PRKD3: variants seen among roughly 807,000 people sequenced by gnomAD.
PRKD3 encodes the protein serine/threonine-protein kinase D3.
In PRKD3, 47 loss-of-function variants were observed where a neutral mutation model predicts 99.2. The ratio of observed to expected loss-of-function variants is 0.47; its 90% confidence interval spans 0.38 to 0.60. The LOEUF is 0.60. Among genes scored for constraint, PRKD3 ranks in the 20% least tolerant of loss-of-function variants. The pLI is 0.00. For missense variants in PRKD3, 1,019 were observed against 1,088.4 expected, an observed-to-expected ratio of 0.94 and a Z score of 0.90; for synonymous variants, 392 against 355.4, an observed-to-expected ratio of 1.10 and a Z score of -1.16.
In PRKD3 at chr2:37,280,646, A is replaced by G. The variant is rs560336037; in HGVS notation, c.989-717T>C. Among the ~76,000 whole-genome samples the G allele has an allele frequency of 1.5e-3, 229 of 152,332 alleles. 1 individual carries two copies. Among genetic ancestry groups the G allele is most frequent in the South Asian group, 2.3e-3 (11 of 4,834 alleles). ...TGGATCACATAAAAATCTAAGAGCT[A>G]AAACTATAAAACTCATAGGAGAAAG... On this transcript the variant is annotated intron_variant, in intron 7 of 18. Coordinates refer to ENST00000234179, the MANE Select transcript of PRKD3 (RefSeq NM_005813.6).
At chr2:37,317,760 C>T (rs559379555) in intron 1 of PRKD3, 1 of 152,218 alleles carries the variant, frequency 6.6e-6, no homozygotes, top group South Asian at 2.1e-4. Context: ...ATACTTATCA[C>T]AGGAACATAA....
rs1671680115 is a variant in PRKD3, at chr2:37,316,708, A to G, written c.-184T>C. On this transcript the variant is annotated 5_prime_UTR_variant, in exon 2 of 19. Transcript: ENST00000234179. ...GTTTTATCAAGGAGTTGAATGCCCC[A>G]AAGGTCCTATTTCTCTTAATATCAG... The G allele has an allele frequency of 7.0e-7, 1 of 1,424,574 alleles. No homozygotes were observed. 88.2% of individuals were successfully genotyped at this position (1,424,574 alleles called of 1,614,324 possible).
intron 1 of PRKD3, among the ~76,000 whole-genome samples, chr2:37,320,826 C>T (rs1671856903): frequency 6.6e-6 from 1 of 152,154 alleles, no homozygotes; most frequent in African/African-American, 2.4e-5. Context: ...TTTAATACAA[C>T]TAATTTATCA....
Position 37,254,231 on chromosome 2 carries a change from G to C in PRKD3, c.2472C>G (p.Asp824Glu), listed in dbSNP as rs773920283. Residue 824 changes from aspartate to glutamate, a missense_variant, in exon 18 of 19, where the codon GAC becomes GAG. By Grantham distance (45) the Asp-to-Glu change is conservative (BLOSUM62 2). Coordinates refer to ENST00000234179, the MANE Select transcript of PRKD3 (RefSeq NM_005813.6). ...GTAGCCAGGGATGACTAAGAGATTTGTCAACACTGTAACGTTTTCTCATCT... is the reference window on the plus strand; with the variant it reads ...GTAGCCAGGGATGACTAAGAGATTTCTCAACACTGTAACGTTTTCTCATCT... Reference protein sequence around the residue: ...QVKMRKRYSVDKSLSHPWLQD... With the variant: ...QVKMRKRYSVEKSLSHPWLQD... 1.9e-6 allele frequency: 3 copies of C among 1,612,726 alleles called. No homozygotes were observed. The highest frequency in any genetic ancestry group is 1.7e-6 in the Non-Finnish European group (2 of 1,178,786).
In PRKD3 at chr2:37,312,251, T is replaced by C. The variant is rs143986605; in HGVS notation, c.288+3986A>G. 1.6e-3 allele frequency among the ~76,000 whole-genome samples: 242 copies of C among 152,306 alleles called. 2 individuals carry two copies. The highest frequency in any genetic ancestry group is 5.6e-3 in the African/African-American group (233 of 41,584). On this transcript the variant is annotated intron_variant, in intron 2 of 18. Transcript: ENST00000234179. Reference sequence around the variant, plus strand: ...GCAATAAAGCCTGCATTTGTCAAAATATATGTTATGAGTTTATTCATTTGA... The same window carrying C: ...GCAATAAAGCCTGCATTTGTCAAAACATATGTTATGAGTTTATTCATTTGA...
chr2:37,259,664 C>G lies in PRKD3; in HGVS notation c.2064G>C (p.Arg688Ser), dbSNP rs1668256939. Residue 688 changes from arginine (R) to serine (S), a missense_variant, in exon 16 of 19, where the codon AGG becomes AGC. Physicochemically the swap from Arg to Ser is moderately radical, Grantham distance 110. Coordinates refer to ENST00000234179, the MANE Select transcript of PRKD3 (RefSeq NM_005813.6). ...FMVTQILVAL[R>S]NLHFKNIVHC... is the part of the protein sequence containing the mutation. ...GCACAATATTCTTAAAATGCAGATT[C>G]CTCAAAGCAACAAGTATCTGTTATG... is the stretch of plus-strand genomic sequence containing the variant. 3 of 1,611,330 alleles carry G rather than the reference C, an allele frequency of 1.9e-6. No individual in the cohort carries two copies. The highest frequency in any genetic ancestry group is 2.7e-5 in the African/African-American group (2 of 74,982).
chr2:37,289,195 T>TACCG (rs1363741954), intron 5 of PRKD3, among the ~76,000 whole-genome samples, 161 bp downstream of exon 5: 1 of 152,184 alleles, frequency 6.6e-6, no homozygotes, highest in African/African-American at 2.4e-5. Context: ...AATTCATTAC[T>TACCG]ACCGGTAAGT....
chr2:37,260,253 T>C lies in PRKD3; in HGVS notation c.2016A>G (p.Pro672=), dbSNP rs745765595. Residue 672 remains proline, a synonymous_variant, in exon 15 of 19, where the codon CCA becomes CCG. Coordinates refer to ENST00000234179, the MANE Select transcript of PRKD3 (RefSeq NM_005813.6). ...MILSSEKSRL[P]ERITKFMVTQ... is the part of the protein sequence containing the mutation. ...TGACCATGAATTTAGTAATTCGTTCTGGAAGCCGACTTTTCTCACTGGATA... is the reference window on the plus strand; with the variant it reads ...TGACCATGAATTTAGTAATTCGTTCCGGAAGCCGACTTTTCTCACTGGATA... The C allele has an allele frequency of 6.2e-7, 1 of 1,612,410 alleles. No homozygotes were observed. Among genetic ancestry groups the C allele is most frequent in the Non-Finnish European group, 8.5e-7 (1 of 1,178,556 alleles).
intron 11 of PRKD3, among the ~76,000 whole-genome samples, chr2:37,273,370 G>A (rs1669404782): frequency 6.6e-6 from 1 of 151,958 alleles, no homozygotes; most frequent in African/African-American, 2.4e-5. Context: ...CACCAAACAT[G>A]TACACAGTTG....
In PRKD3 at chr2:37,257,589, C is replaced by T. The variant is rs141057601; in HGVS notation, c.2146-660G>A. On this transcript the variant is annotated intron_variant, in intron 16 of 18. Coordinates refer to ENST00000234179, the MANE Select transcript of PRKD3 (RefSeq NM_005813.6). ...GCTGAAGCAGGAGAATGGCGTGAAC[C>T]CAGGAGGCAGAGCTTGCAGTGAGTC... Among the ~76,000 whole-genome samples the T allele has an allele frequency of 2.0e-3, 297 of 145,328 alleles. 3 individuals are homozygous for T. Among genetic ancestry groups the T allele is most frequent in the African/African-American group, 7.3e-3 (291 of 39,622 alleles).
chr2:37,309,059 G>A (rs1671299491), intron 2 of PRKD3, among the ~76,000 whole-genome samples: 1 of 151,908 alleles, frequency 6.6e-6, no homozygotes, highest in African/African-American at 2.4e-5. Context: ...AATCTTTAAT[G>A]GAAAGAAATT....
chr2:37,257,231 G>C (rs1177619709), intron 16 of PRKD3, among the ~76,000 whole-genome samples: 2 of 152,152 alleles, frequency 1.3e-5, no homozygotes, highest in Non-Finnish European at 2.9e-5. Flanking sequence ...TTATGAAATA[G>C]AGTATGCTGC....
At chr2:37,303,171 G>A (rs1000247481) in intron 2 of PRKD3, among the ~76,000 whole-genome samples, 2 of 151,960 alleles carry the variant, frequency 1.3e-5, no homozygotes, top group Non-Finnish European at 2.9e-5. Context: ...AAGAGCCGCT[G>A]GACCTCAGGA....
intron 14 of PRKD3, among the ~76,000 whole-genome samples, chr2:37,264,306 T>C (rs1253811337): frequency 1.3e-5 from 2 of 152,212 alleles, no homozygotes; most frequent in African/African-American, 4.8e-5. Context: ...ATACATTTAT[T>C]CATTAAATAT....
intron 2 of PRKD3, among the ~76,000 whole-genome samples, chr2:37,309,340 G>C (rs1358242471): frequency 6.6e-6 from 1 of 152,028 alleles, no homozygotes; most frequent in Non-Finnish European, 1.5e-5. Flanking sequence ...TATCCCTTTA[G>C]AGTTGATTCT....
chr2:37,280,131 A>C (rs960344312), intron 7 of PRKD3, among the ~76,000 whole-genome samples: 1 of 141,904 alleles, frequency 7.0e-6, no homozygotes, highest in East Asian at 2.1e-4. Context: ...TGCAACCTCT[A>C]CCTCCTGGGT....
chr2:37,261,661 T>C (rs903014138), intron 14 of PRKD3, among the ~76,000 whole-genome samples: 1 of 141,198 alleles, frequency 7.1e-6, no homozygotes. Flanking sequence ...AAGCCTGTAA[T>C]CCCAGCTACT....
At position 37,316,726 on chromosome 2, in the gene PRKD3, A is replaced by G. The variant is rs971669028; in HGVS notation, c.-202T>C. 3.0e-5 allele frequency: 42 copies of G among 1,407,610 alleles called. No homozygotes were observed. Among genetic ancestry groups the G allele is most frequent in the Non-Finnish European group, 3.9e-5 (42 of 1,087,132 alleles). The allele number at this position is 1,407,610 out of a possible 1,614,324, so 87.2% of individuals were successfully genotyped here. A position where few individuals can be genotyped will look rare whatever the true frequency, so the allele number is the denominator to read the frequency against. The stretch of plus-strand genomic sequence containing the variant: ...ATGCCCCAAAGGTCCTATTTCTCTT[A>G]ATATCAGTCCCATCAAAAAGCAGTC... On this transcript the variant is annotated 5_prime_UTR_variant, in exon 2 of 19. Transcript: ENST00000234179.
In PRKD3 at chr2:37,259,643, A is replaced by G. The variant is rs1001163243; in HGVS notation, c.2085T>C (p.Ile695=). Residue 695 remains isoleucine (I), a synonymous_variant, in exon 16 of 19, where the codon ATT becomes ATC. Transcript: ENST00000234179. ...TTTCTGGCTTTAAATCACAGTGCACAATATTCTTAAAATGCAGATTCCTCA... is the reference window on the plus strand; with the variant it reads ...TTTCTGGCTTTAAATCACAGTGCACGATATTCTTAAAATGCAGATTCCTCA... ...VALRNLHFKN[I]VHCDLKPENV... 1 of 1,613,494 alleles carries G rather than the reference A, an allele frequency of 6.2e-7. No individual in the cohort carries two copies. Among genetic ancestry groups the G allele is most frequent in the South Asian group, 1.1e-5 (1 of 91,042 alleles).
Sources: gnomAD v4.1 joint callset for allele counts (sites outside exome capture counted in the v4.1 genomes callset) on GRCh38, gnomAD v4.1.1 for gene constraint, MANE v1.5 for transcripts, NCBI Gene and HGNC (gene_info 2026-07-23, HGNC 2026-07-21) for gene names.